The following CDK5RAP3 variants were observed in gnomAD, a reference collection of about 807,000 sequenced individuals.
CDK5RAP3 encodes the protein CDK5 regulatory subunit-associated protein 3.
In CDK5RAP3, 58 loss-of-function variants were observed where a neutral mutation model predicts 73.3. That is an observed-to-expected ratio of 0.79 (90% confidence interval 0.64 to 0.98). CDK5RAP3 has a LOEUF of 0.98. Ranked by LOEUF, CDK5RAP3 falls within the 50% of genes least tolerant of loss-of-function variation. The pLI is 0.00. For missense variants in CDK5RAP3, 525 were observed against 615.8 expected, an observed-to-expected ratio of 0.85 and a Z score of 1.56; for synonymous variants, 224 against 247.5, an observed-to-expected ratio of 0.91 and a Z score of 0.89.
Position 47,980,585 on chromosome 17 carries a change from G to C in CDK5RAP3, c.1078-8G>C, listed in dbSNP as rs202239877. On this transcript the variant is annotated splice_polypyrimidine_tract_variant and splice_region_variant and intron_variant, in intron 11 of 13. Transcript: ENST00000338399. ...TACAGCCTGAACCAATCTTTCTTCT[G>C]TCCTCAGCTTGAGATCTTCTTAGCC... 6.2e-6 allele frequency: 10 copies of C among 1,611,988 alleles called. No individual in the cohort carries two copies. In the African/African-American group the frequency reaches 9.4e-5, roughly 15 times the overall value.
intron 2 of CDK5RAP3, 67 bp from the exon 3 acceptor site, chr17:47,973,452 C>A: frequency 6.3e-7 from 1 of 1,575,766 alleles, no homozygotes; most frequent in Non-Finnish European, 8.7e-7. Context: ...GTGTATTTCA[C>A]TCGAATTAGT....
intron 10 of CDK5RAP3, chr17:47,978,561 C>T (rs1244315045): frequency 2.2e-6 from 1 of 451,968 alleles, no homozygotes; most frequent in East Asian, 3.9e-5. Context: ...GAAACTTTAC[C>T]TCCTGCGGTC....
Position 47,973,502 on chromosome 17 carries a change from G to C in CDK5RAP3, c.53-17G>C. The C allele has an allele frequency of 6.8e-6, 11 of 1,610,814 alleles. No individual in the cohort carries two copies. Among genetic ancestry groups the C allele is most frequent in the Non-Finnish European group, 9.3e-6 (11 of 1,177,374 alleles). ...GATGTGAATGGGAATGCTCTAATTTGGGTGCTTCTCATGTAGATTGGCTGG... is the reference window on the plus strand; with the variant it reads ...GATGTGAATGGGAATGCTCTAATTTCGGTGCTTCTCATGTAGATTGGCTGG... On this transcript the variant is annotated splice_polypyrimidine_tract_variant and intron_variant, in intron 2 of 13. Coordinates refer to ENST00000338399, the MANE Select transcript of CDK5RAP3 (RefSeq NM_176096.3).
chr17:47,974,853 G>A, intron 5 of CDK5RAP3: 1 of 1,299,616 alleles, frequency 7.7e-7, no homozygotes, highest in Non-Finnish European at 9.9e-7. Flanking sequence ...TGTTTGGGTT[G>A]GGTGTAGTAT....
At chr17:47,978,022 T>C (rs2036458201) in intron 10 of CDK5RAP3, 112 bp downstream of exon 10, 1 of 722,922 alleles carries the variant, frequency 1.4e-6, no homozygotes, top group Non-Finnish European at 2.3e-6. Flanking sequence ...CATTTAACTG[T>C]TTCTCAAAAC....
At chr17:47,974,086 G>A (rs987128657) in intron 4 of CDK5RAP3, 55 bp downstream of exon 4, 1 of 1,242,098 alleles carries the variant, frequency 8.1e-7, no homozygotes, top group East Asian at 2.3e-5. Context: ...AATCCGAGGA[G>A]TCATAGCCTC....
chr17:47,973,854 T>C, intron 3 of CDK5RAP3, 77 bp from the exon 4 acceptor site: 2 of 1,264,740 alleles, frequency 1.6e-6, no homozygotes, highest in East Asian at 4.6e-5. Flanking sequence ...ATATTATACA[T>C]GAATCAGCCA....
chr17:47,975,374 C>T (rs955909345), intron 6 of CDK5RAP3, 37 bp downstream of exon 6: 2 of 1,607,998 alleles, frequency 1.2e-6, no homozygotes, highest in Non-Finnish European at 1.7e-6. Flanking sequence ...CAGAGGACAC[C>T]TGGGCCCCTG....
chr17:47,973,385 T>A, intron 2 of CDK5RAP3, 134 bp from the exon 3 acceptor site: 1 of 975,902 alleles, frequency 1.0e-6, no homozygotes, highest in Non-Finnish European at 1.5e-6. Context: ...TTTATTCCCA[T>A]CTTCCCATGA....
chr17:47,981,019 T>C (rs2036540088), intron 12 of CDK5RAP3, 144 bp from the exon 13 acceptor site: 2 of 996,128 alleles, frequency 2.0e-6, no homozygotes, highest in African/African-American at 3.3e-5. Flanking sequence ...GAGTGGGTTT[T>C]CCTTAAAAGG....
rs1453967315 is a variant in CDK5RAP3 at position 47,978,844 on chromosome 17, C to T, written c.1004C>T (p.Ala335Val). The T allele has an allele frequency of 1.9e-6, 3 of 1,613,740 alleles. No homozygotes were observed. The highest frequency in any genetic ancestry group is 2.5e-6 in the Non-Finnish European group (3 of 1,179,762). The change falls in exon 11 of 14, where the codon GCC becomes GTC. Residue 335 changes from alanine to valine, a missense_variant. Ala to Val is a moderately conservative substitution (Grantham distance 64). Transcript: ENST00000338399. The stretch of plus-strand genomic sequence containing the variant: ...TTCCTGGCAGCTCCAGAAGGTGTTG[C>T]CAGGGGCCCAGATGCCCTGACACTG... Reference protein sequence around the residue: ...EAGTQAPEGVARGPDALTLLE... With the variant: ...EAGTQAPEGVVRGPDALTLLE...
intron 1 of CDK5RAP3, 97 bp from the exon 2 acceptor site, chr17:47,971,265 G>T: frequency 6.5e-7 from 1 of 1,541,442 alleles, no homozygotes; most frequent in African/African-American, 1.4e-5. Context: ...CCCCGTTCTG[G>T]CCCTGCAGGG....
intron 3 of CDK5RAP3, 106 bp from the exon 4 acceptor site, chr17:47,973,825 C>T (rs559422420): frequency 6.0e-4 from 711 of 1,193,006 alleles, no homozygotes; most frequent in Non-Finnish European, 8.3e-4. Flanking sequence ...AAAAGCTACA[C>T]ACTAAAGTTA....
chr17:47,975,358 C>T (rs1333672507), intron 6 of CDK5RAP3, 21 bp downstream of exon 6: 23 of 1,611,590 alleles, frequency 1.4e-5, no homozygotes, highest in South Asian at 2.2e-5. Context: ...GCAGCCTCTT[C>T]GCAGCCAGAG....
chr17:47,976,652 C>T (rs1331486291), intron 8 of CDK5RAP3, 60 bp from the exon 9 acceptor site: 27 of 1,186,458 alleles, frequency 2.3e-5, no homozygotes, highest in Non-Finnish European at 3.1e-5. Flanking sequence ...ACATGAGCCA[C>T]CATGCCCGGC....
chr17:47,972,253 A>G (rs987772743), intron 2 of CDK5RAP3, among the ~76,000 whole-genome samples: 1 of 152,186 alleles, frequency 6.6e-6, no homozygotes, highest in Non-Finnish European at 1.5e-5. Flanking sequence ...GTTCATAGTC[A>G]GGGAAGGCCT....
chr17:47,973,163 A>G (rs553765227), intron 2 of CDK5RAP3, among the ~76,000 whole-genome samples: 18 of 152,350 alleles, frequency 1.2e-4, no homozygotes, highest in Admixed American at 3.3e-4. Flanking sequence ...ATGGAAGTTG[A>G]GCAGCATCCT....
intron 5 of CDK5RAP3, 190 bp from the exon 6 acceptor site, chr17:47,974,969 G>C: frequency 6.9e-7 from 1 of 1,456,132 alleles, no homozygotes; most frequent in Non-Finnish European, 9.1e-7. Context: ...AAATGTTATT[G>C]TCGCTGTTTT....
chr17:47,973,705 C>T (rs1004761239), intron 3 of CDK5RAP3, 55 bp downstream of exon 3: 13 of 1,598,638 alleles, frequency 8.1e-6, no homozygotes, highest in East Asian at 2.2e-5. Flanking sequence ...TAGTATGTAT[C>T]AGCTGAGCTA....
Sources: gnomAD v4.1 joint callset for allele counts (sites outside exome capture counted in the v4.1 genomes callset) on GRCh38, gnomAD v4.1.1 for gene constraint, MANE v1.5 for transcripts, NCBI Gene and HGNC (gene_info 2026-07-23, HGNC 2026-07-21) for gene names.